ZNF385D: variants seen among roughly 807,000 people sequenced by gnomAD.
ZNF385D encodes zinc finger protein 659.
Under a neutral mutation model 35.8 loss-of-function variants are expected in ZNF385D, and 15 were observed. The ratio of observed to expected loss-of-function variants is 0.42; its 90% confidence interval spans 0.28 to 0.64. ZNF385D has a LOEUF of 0.64. ZNF385D is among the 30% of genes least tolerant of loss of function. ZNF385D has a pLI of 0.23. For missense variants in ZNF385D, 474 were observed against 494.6 expected, an observed-to-expected ratio of 0.96 and a Z score of 0.39; for synonymous variants, 212 against 186.8, an observed-to-expected ratio of 1.13 and a Z score of -1.10.
chr3:21,769,847 C>G (rs1303456912), intron 3 of ZNF385D, among the ~76,000 whole-genome samples: 2 of 149,922 alleles, frequency 1.3e-5, no homozygotes, highest in Admixed American at 1.3e-4. Context: ...TACTACAAGG[C>G]TATAGTAACC....
At chr3:22,099,110 C>T (rs1701787759) in intron 3 of ZNF385D, among the ~76,000 whole-genome samples, 1 of 152,050 alleles carries the variant, frequency 6.6e-6, no homozygotes, top group African/African-American at 2.4e-5. Flanking sequence ...ATATGGTATT[C>T]TTAACAGAAC....
intron 3 of ZNF385D, among the ~76,000 whole-genome samples, chr3:22,094,725 T>C (rs900233300): frequency 1.3e-5 from 2 of 151,946 alleles, no homozygotes; most frequent in Middle Eastern, 3.2e-3. Context: ...AGTAGGTTAC[T>C]GAGGTGGCCA....
At chr3:21,480,981 A>G (rs1704590876) in intron 4 of ZNF385D, among the ~76,000 whole-genome samples, 1 of 152,138 alleles carries the variant, frequency 6.6e-6, no homozygotes, top group African/African-American at 2.4e-5. Flanking sequence ...TTAAACATTT[A>G]TTTTATTTTC....
intron 3 of ZNF385D, among the ~76,000 whole-genome samples, chr3:21,839,764 G>A (rs936154843): frequency 6.6e-6 from 1 of 151,918 alleles, no homozygotes; most frequent in African/African-American, 2.4e-5. Flanking sequence ...AGTGATCCCT[G>A]GAGAGTCACA....
At chr3:22,202,738 G>C (rs1304577296) in intron 2 of ZNF385D, among the ~76,000 whole-genome samples, 1 of 152,092 alleles carries the variant, frequency 6.6e-6, no homozygotes, top group Non-Finnish European at 1.5e-5. Context: ...GAGAATCTGT[G>C]AGCTTGGGGA....
chr3:21,724,514 A>T (rs866267098), intron 1 of ZNF385D, among the ~76,000 whole-genome samples: 1,522 of 131,870 alleles, frequency 0.012, 43 homozygotes, highest in African/African-American at 0.042. Flanking sequence ...AAAAAAAAAA[A>T]AAAAGCAGGA....
chr3:21,481,315 T>G (rs562800665), intron 4 of ZNF385D, among the ~76,000 whole-genome samples: 1 of 152,210 alleles, frequency 6.6e-6, no homozygotes, highest in African/African-American at 2.4e-5. Flanking sequence ...TGAAACTGCA[T>G]TGAACAATCT....
chr3:21,882,033 A>C (rs1698303252), intron 3 of ZNF385D, among the ~76,000 whole-genome samples: 1 of 152,024 alleles, frequency 6.6e-6, no homozygotes. Flanking sequence ...CTTGAGATGG[A>C]ATCAACTCCT....
intron 3 of ZNF385D, among the ~76,000 whole-genome samples, chr3:21,972,634 A>C (rs1379284653): frequency 6.6e-6 from 1 of 151,954 alleles, no homozygotes; most frequent in Non-Finnish European, 1.5e-5. Flanking sequence ...AAGATGAACA[A>C]AATGAAAAGT....
intron 3 of ZNF385D, among the ~76,000 whole-genome samples, chr3:21,820,397 T>G (rs955969748): frequency 4.0e-5 from 6 of 151,788 alleles, no homozygotes; most frequent in African/African-American, 9.7e-5. Context: ...ATGTAAATTA[T>G]AAAAGGCTTA....
intron 2 of ZNF385D, among the ~76,000 whole-genome samples, chr3:21,618,749 C>T (rs1011886477): frequency 1.1e-4 from 17 of 152,010 alleles, no homozygotes; most frequent in African/African-American, 4.1e-4. Flanking sequence ...AAAAGTCTAC[C>T]CAACATAAAG....
At chr3:21,720,869 T>C (rs1166048835) in intron 1 of ZNF385D, among the ~76,000 whole-genome samples, 1 of 152,160 alleles carries the variant, frequency 6.6e-6, no homozygotes, top group Non-Finnish European at 1.5e-5. Flanking sequence ...TCAGAATGAT[T>C]TCCATATGGT....
chr3:21,890,191 AAG>A (rs1281707622), intron 3 of ZNF385D, among the ~76,000 whole-genome samples: 1 of 152,216 alleles, frequency 6.6e-6, no homozygotes, highest in African/African-American at 2.4e-5. Flanking sequence ...TTATATAAGC[AAG>A]AGAGGGAATA....
intron 3 of ZNF385D, among the ~76,000 whole-genome samples, chr3:21,767,070 C>T (rs889698487): frequency 6.6e-6 from 1 of 151,046 alleles, no homozygotes; most frequent in Non-Finnish European, 1.5e-5. Context: ...ACCCCCCCAC[C>T]CACCCTCACA....
At chr3:21,908,316 A>G (rs1699800684) in intron 3 of ZNF385D, among the ~76,000 whole-genome samples, 1 of 152,100 alleles carries the variant, frequency 6.6e-6, no homozygotes. Flanking sequence ...TGCATGGGAA[A>G]TAGAAAAGGG....
intron 2 of ZNF385D, among the ~76,000 whole-genome samples, chr3:21,608,451 T>C (rs2064563230): frequency 6.6e-6 from 1 of 152,218 alleles, no homozygotes; most frequent in African/African-American, 2.4e-5. Context: ...AAATATGAAC[T>C]CTGTATTTAG....
At chr3:22,112,934 G>A (rs1035942434) in intron 3 of ZNF385D, among the ~76,000 whole-genome samples, 2 of 152,084 alleles carry the variant, frequency 1.3e-5, no homozygotes, top group Admixed American at 6.6e-5. Context: ...TTATACATTG[G>A]TAGAAAATGT....
chr3:21,806,152 C>T (rs74529189), intron 3 of ZNF385D, among the ~76,000 whole-genome samples: 4,116 of 151,878 alleles, frequency 0.027, 169 homozygotes, highest in African/African-American at 0.092. Context: ...TTCCTTTCTC[C>T]CCCTCTCTTT....
At chr3:21,513,897 T>C (rs993263415) in intron 3 of ZNF385D, among the ~76,000 whole-genome samples, 2 of 152,142 alleles carry the variant, frequency 1.3e-5, no homozygotes, top group African/African-American at 4.8e-5. Flanking sequence ...GTATTCCCTA[T>C]GTGAAGGCAG....
Sources: gnomAD v4.1 joint callset for allele counts (sites outside exome capture counted in the v4.1 genomes callset) on GRCh38, gnomAD v4.1.1 for gene constraint, MANE v1.5 for transcripts, NCBI Gene and HGNC (gene_info 2026-07-23, HGNC 2026-07-21) for gene names.